CFAP74: variants seen among roughly 807,000 people sequenced by gnomAD.
CFAP74 encodes cilia- and flagella-associated protein 74.
CFAP74 carries 124 observed loss-of-function variants against 188.9 expected under a neutral mutation model. The observed-to-expected ratio is 0.66, with a 90% confidence interval of 0.57 to 0.76. The LOEUF is 0.76. Ranked by LOEUF, CFAP74 falls within the 30% of genes least tolerant of loss-of-function variation. The pLI is 0.00. For synonymous variants in CFAP74, 956 were observed against 916.7 expected, an observed-to-expected ratio of 1.04 and a Z score of -0.77; for missense variants, 2,198 against 2,165.2, an observed-to-expected ratio of 1.02 and a Z score of -0.30.
At position 1,970,691 on chromosome 1, in the gene CFAP74, C is replaced by A. The variant is rs1203423048; in HGVS notation, c.1014G>T (p.Gln338His). 6.2e-7 allele frequency: 1 copy of A among 1,613,322 alleles called. No homozygotes were observed. The highest frequency in any genetic ancestry group is 1.7e-5 in the Admixed American group (1 of 59,834). Residue 338 changes from glutamine (Q) to histidine (H), a missense_variant, in exon 10 of 39, where the codon CAG becomes CAT. Gln to His is a conservative substitution (Grantham distance 24). Transcript: ENST00000682832. ...GGGCCTCCAGCTCCTGGCGCCGGCG[C>A]TGGTGGACAAGGTGCCTGAATGCAT... Reference protein sequence around the residue: ...GRDAFRHLVHQRRRQELEAQK... With the variant: ...GRDAFRHLVHHRRRQELEAQK...
chr1:1,970,919 G>A (rs1655925251), intron 9 of CFAP74, 103 bp from the exon 10 acceptor site: 1 of 1,313,930 alleles, frequency 7.6e-7, no homozygotes, highest in South Asian at 1.3e-5. Flanking sequence ...ATGCACACGT[G>A]CACACACGTG....
chr1:1,931,432 T>TTA (rs71578353), intron 25 of CFAP74, among the ~76,000 whole-genome samples: 1 of 75,388 alleles, frequency 1.3e-5, no homozygotes, highest in African/African-American at 5.8e-5. Context: ...CCCATCTCAA[T>TTA]AAAAAAAAAA....
chr1:1,978,128 G>T (rs987058368), intron 6 of CFAP74, among the ~76,000 whole-genome samples: 10 of 152,178 alleles, frequency 6.6e-5, no homozygotes, highest in Non-Finnish European at 7.3e-5. Flanking sequence ...GATTACAGGC[G>T]TGAGCCACTG....
chr1:1,927,826 A>G lies in CFAP74; in HGVS notation c.3388-80T>C, dbSNP rs1215520686. 2.7e-6 allele frequency: 4 copies of G among 1,464,284 alleles called. No homozygotes were observed. In the African/African-American group the frequency reaches 5.7e-5, roughly 21 times the overall value. 90.7% of individuals were successfully genotyped at this position (1,464,284 alleles called of 1,614,324 possible). A position where few individuals can be genotyped will look rare whatever the true frequency, so the allele number is the denominator to read the frequency against. Reference sequence around the variant, plus strand: ...TGTGCCCCGTGGCTCCTCTGCGGCCAGTGCGGGAACCGCGGGAGCCGCAGT... The same window carrying G: ...TGTGCCCCGTGGCTCCTCTGCGGCCGGTGCGGGAACCGCGGGAGCCGCAGT... On this transcript the variant is annotated intron_variant, in intron 27 of 38. Transcript: ENST00000682832.
intron 25 of CFAP74, 90 bp downstream of exon 25, chr1:1,938,764 CA>C: frequency 7.0e-7 from 1 of 1,418,772 alleles, no homozygotes; most frequent in East Asian, 2.5e-5. Flanking sequence ...CAGATGGGGT[CA>C]GGGGCGGGGA....
chr1:1,977,712 G>T (rs890780819), intron 6 of CFAP74, among the ~76,000 whole-genome samples: 1 of 152,130 alleles, frequency 6.6e-6, no homozygotes, highest in East Asian at 1.9e-4. Context: ...CACTGCAGGC[G>T]GCTCCCATCA....
intron 5 of CFAP74, 107 bp downstream of exon 5, chr1:1,986,830 A>C: frequency 1.1e-6 from 1 of 884,682 alleles, no homozygotes; most frequent in Admixed American, 2.0e-5. Context: ...GGGGCTCCTC[A>C]TTGGCCTGAA....
chr1:1,944,340 AC>A lies in CFAP74; in HGVS notation c.2476del (p.Val826CysfsTer11). On this transcript the variant is annotated frameshift_variant, in exon 21 of 39. Coordinates refer to ENST00000682832, the MANE Select transcript of CFAP74 (RefSeq NM_001304360.2). LOFTEE classifies it high-confidence loss of function. ...YDRLYQDSVL[V>X]HTRSKAALRL... The stretch of plus-strand genomic sequence containing the variant: ...ACAGGAGGGGGCTCACCGCGTGTGC[AC>A]GAGCACAGAGTCCTGGTAGAGCCGG... 2.0e-6 allele frequency: 3 copies of A among 1,535,488 alleles called. No homozygotes were observed. Among genetic ancestry groups the A allele is most frequent in the Non-Finnish European group, 2.6e-6 (3 of 1,146,774 alleles).
chr1:1,987,645 G>A lies in CFAP74; in HGVS notation c.297-610C>T, dbSNP rs185390138. Reference sequence around the variant, plus strand: ...CAACCTCCGCCCCCCAGGTTCAAGCGATTCTGCTGTCTCAGCCTCCCAAGT... The same window carrying A: ...CAACCTCCGCCCCCCAGGTTCAAGCAATTCTGCTGTCTCAGCCTCCCAAGT... On this transcript the variant is annotated intron_variant, in intron 4 of 38. Transcript: ENST00000682832. Among the ~76,000 whole-genome samples, 548 of 152,074 alleles carry A rather than the reference G, an allele frequency of 3.6e-3. 4 individuals are homozygous for A. The highest frequency in any genetic ancestry group is 0.012 in the African/African-American group (516 of 41,456).
chr1:1,932,126 G>T lies in CFAP74; in HGVS notation c.3012-1790C>A, dbSNP rs530874049. 3.5e-4 allele frequency among the ~76,000 whole-genome samples: 53 copies of T among 149,922 alleles called. No homozygotes were observed. The South Asian group carries it at 0.011, about 31-fold the overall frequency. ...CTTAGAAAAATGTAGGCCGGGCGCG[G>T]TGGCTCACGCCTGTAATCCCAGCAC... is the stretch of plus-strand genomic sequence containing the variant. On this transcript the variant is annotated intron_variant, in intron 25 of 38. Transcript: ENST00000682832.
At position 1,964,946 on chromosome 1, in the gene CFAP74, C is replaced by G; in HGVS notation, c.1517G>C (p.Trp506Ser). 1 of 1,614,014 alleles carries G rather than the reference C, an allele frequency of 6.2e-7. No individual in the cohort carries two copies. The highest frequency in any genetic ancestry group is 8.5e-7 in the Non-Finnish European group (1 of 1,179,992). ...GGGGCGTCCTTGGAACTCACGCCCC[C>G]ACACCACCTGCTTGTGGACCACCCT... is the stretch of plus-strand genomic sequence containing the variant. ...RSRVVHKQVV[W>S]GREFQGRPFN... The change falls in exon 13 of 39, where the codon TGG (tryptophan) becomes TCG (serine). Residue 506 changes from tryptophan (W) to serine (S), a missense_variant. Trp to Ser is a radical substitution (Grantham distance 177). Transcript: ENST00000682832.
chr1:1,946,492 C>A (rs938262982), intron 19 of CFAP74, 53 bp from the exon 20 acceptor site: 1 of 1,473,054 alleles, frequency 6.8e-7, no homozygotes, highest in East Asian at 2.5e-5. Context: ...CTTTTAAGAT[C>A]CCTTCCCAAC....
rs1656238083 is a variant in CFAP74 at position 1,973,632 on chromosome 1, G to C, written c.674+393C>G. 6.6e-6 allele frequency among the ~76,000 whole-genome samples: 1 copy of C among 152,082 alleles called. No individual in the cohort carries two copies. Among genetic ancestry groups the C allele is most frequent in the Non-Finnish European group, 1.5e-5 (1 of 68,020 alleles). Reference sequence around the variant, plus strand: ...GGCCTGAGTGCTCCACAGCCACGCAGGTGGGGGCCGTGGGAGGGGTGCAAA... The same window carrying C: ...GGCCTGAGTGCTCCACAGCCACGCACGTGGGGGCCGTGGGAGGGGTGCAAA... On this transcript the variant is annotated intron_variant, in intron 7 of 38. Transcript: ENST00000682832. The surrounding 1 kb of genome is among the most constrained non-coding windows in gnomAD (Gnocchi z 6.2).
chr1:1,926,564 C>G (rs1651916875), intron 30 of CFAP74, 52 bp from the exon 31 acceptor site: 1 of 1,548,952 alleles, frequency 6.5e-7, no homozygotes, highest in African/African-American at 1.4e-5. Context: ...CAGGGAGCGT[C>G]TCTGCCAGGG....
chr1:1,998,856 G>A (rs1441973319), intron 1 of CFAP74, among the ~76,000 whole-genome samples: 3 of 152,080 alleles, frequency 2.0e-5, no homozygotes, highest in African/African-American at 7.2e-5. Context: ...TAGCCTAGGC[G>A]ACAGAGTGAG....
intron 13 of CFAP74, 142 bp downstream of exon 13, chr1:1,964,746 T>C (rs13303324): frequency 0.23 from 190,200 of 813,780 alleles, 23,135 homozygotes; most frequent in East Asian, 0.26. Flanking sequence ...CCTGAGATTA[T>C]GCCGTTGCAC....
At chr1:1,951,306 C>T (rs79051250) in intron 18 of CFAP74, among the ~76,000 whole-genome samples, 11,150 of 152,200 alleles carry the variant, frequency 0.073, 570 homozygotes, top group South Asian at 0.19. Flanking sequence ...TCTCTCCACA[C>T]GTGGGGATTA....
intron 12 of CFAP74, 114 bp from the exon 13 acceptor site, chr1:1,965,175 C>T (rs1443404070): frequency 2.4e-5 from 25 of 1,023,910 alleles, no homozygotes; most frequent in Non-Finnish European, 3.2e-5. Flanking sequence ...CCAGCCCCAC[C>T]GGCTGCCACC....
chr1:1,923,604 GC>G lies in CFAP74; in HGVS notation c.4390-106del, dbSNP rs2102027363. ...GGAAGGAAGCAGGGACGGCCTGGGG[GC>G]CCCGTGGGGCCCTGGACTCTGGTCT... On this transcript the variant is annotated intron_variant, in intron 35 of 38. Transcript: ENST00000682832. This position sits in a 1 kb window ranked among gnomAD's most constrained non-coding sequence, Gnocchi z 6.3. 6.6e-7 allele frequency: 1 copy of G among 1,523,466 alleles called. No homozygotes were observed. Among genetic ancestry groups the G allele is most frequent in the East Asian group, 2.3e-5 (1 of 43,960 alleles). The allele number at this position is 1,523,466 out of a possible 1,614,324, so 94.4% of individuals were successfully genotyped here. A position where few individuals can be genotyped will look rare whatever the true frequency, so the allele number is the denominator to read the frequency against.
Sources: allele counts gnomAD v4.1 joint callset (sites outside exome capture counted in the v4.1 genomes callset), GRCh38; gene constraint gnomAD v4.1.1; non-coding constraint Gnocchi (gnomAD v3.1); transcripts MANE v1.5; gene names NCBI Gene and HGNC (gene_info 2026-07-23, HGNC 2026-07-21).